Variants in ROCK2 observed in about 807,000 individuals in gnomAD.
ROCK2 encodes Rho associated coiled-coil containing protein kinase 2.
Under a neutral mutation model 195.1 loss-of-function variants are expected in ROCK2, and 61 were observed. The ratio of observed to expected loss-of-function variants is 0.31; its 90% CI spans 0.25 to 0.39. ROCK2 has a LOEUF of 0.39. ROCK2 is among the 10% of genes least tolerant of loss of function. The pLI is 1.00. For synonymous variants in ROCK2, 504 were observed against 545.5 expected (o/e 0.92, Z 1.06); for missense variants, 1,109 against 1,637.4 (o/e 0.68, Z 5.57).
chr2:11,254,756 A>AAAG (rs1273592273), intron 3 of ROCK2, among the ~76,000 whole-genome samples: 51 of 144,472 alleles, frequency 3.5e-4, no homozygotes, highest in Middle Eastern at 3.5e-3. Context: ...AAAAAAAAAA[A>AAAG]GGTAGAGAAA....
chr2:11,345,279 C>G (rs190126564), upstream of ROCK2, among the ~76,000 whole-genome samples: 2 of 152,184 alleles, frequency 1.3e-5, no homozygotes, highest in Non-Finnish European at 2.9e-5. Context: ...CTAACCACTT[C>G]AAGAGAACGG....
rs1288241625 is a variant in ROCK2 at position 11,193,768 on chromosome 2, A to G, written c.3687+11T>C. 1.3e-6 allele frequency: 2 copies of G among 1,524,372 alleles called. No individual in the cohort carries two copies. Among genetic ancestry groups the G allele is most frequent in the South Asian group, 1.2e-5 (1 of 84,156 alleles). The allele number at this position is 1,524,372 out of a possible 1,614,324, so 94.4% of individuals were successfully genotyped here. A position where few individuals can be genotyped will look rare whatever the true frequency, so the allele number is the denominator to read the frequency against. On this transcript the variant is annotated intron_variant, in intron 30 of 32. Transcript: ENST00000315872. ...AGCCAACCAACCAAATATAAACAAA[A>G]CTATGTTTACCTGGAATATCCTTGG...
chr2:11,181,177 TAA>T lies in ROCK2; in HGVS notation c.*2258_*2259del, dbSNP rs1055635985. ...ATTATTTCACCTTAATAAAGTTTAT[TAA>T]AAATATATATATATATATATATATA... On this transcript the variant is annotated 3_prime_UTR_variant, in exon 33 of 33. Transcript: ENST00000315872. 2.1e-4 allele frequency: 21 copies of T among 99,666 alleles called. No homozygotes were observed. The highest frequency in any genetic ancestry group is 3.0e-4 in the Non-Finnish European group (15 of 50,652). 6.2% of individuals were successfully genotyped at this position (99,666 alleles called of 1,614,324 possible).
intron 18 of ROCK2, among the ~76,000 whole-genome samples, chr2:11,209,158 T>C (rs950827807): frequency 4.6e-5 from 7 of 152,232 alleles, no homozygotes; most frequent in South Asian, 2.1e-4. Flanking sequence ...CATAGGACTT[T>C]CCATGTTAAC....
intron 4 of ROCK2, among the ~76,000 whole-genome samples, chr2:11,244,174 T>C (rs1665531317): frequency 6.6e-6 from 1 of 152,232 alleles, no homozygotes; most frequent in South Asian, 2.1e-4. Flanking sequence ...ATTTTTAAAA[T>C]TGTATTTATT....
At chr2:11,204,463 A>AATT (rs1263016858) in intron 20 of ROCK2, among the ~76,000 whole-genome samples, 1 of 152,086 alleles carries the variant, frequency 6.6e-6, no homozygotes, top group Non-Finnish European at 1.5e-5. Flanking sequence ...CTTCAGTCTA[A>AATT]AGACATTTCT....
At chr2:11,221,792 T>C (rs1202271823) in intron 8 of ROCK2, among the ~76,000 whole-genome samples, 2 of 152,212 alleles carry the variant, frequency 1.3e-5, no homozygotes, top group Non-Finnish European at 2.9e-5. Flanking sequence ...AATTAAAGGA[T>C]TGCATTCCCT....
chr2:11,225,045 G>GC (rs1664765911), intron 6 of ROCK2, among the ~76,000 whole-genome samples: 1 of 152,206 alleles, frequency 6.6e-6, no homozygotes, highest in Admixed American at 6.5e-5. Context: ...CAGGGCTGCT[G>GC]CAAGAGTTAA....
chr2:11,316,750 T>C (rs1327502073), intron 1 of ROCK2, among the ~76,000 whole-genome samples: 5 of 152,180 alleles, frequency 3.3e-5, no homozygotes, highest in Admixed American at 1.3e-4. Flanking sequence ...TTGACATGCT[T>C]AGGTTCCTAC....
At chr2:11,290,346 C>G (rs1490099531) in intron 1 of ROCK2, among the ~76,000 whole-genome samples, 1 of 152,124 alleles carries the variant, frequency 6.6e-6, no homozygotes, top group African/African-American at 2.4e-5. Flanking sequence ...CCCCTGTAAT[C>G]CCAGCTACTC....
intron 30 of ROCK2, among the ~76,000 whole-genome samples, chr2:11,193,374 A>G (rs1663505333): frequency 6.6e-6 from 1 of 152,204 alleles, no homozygotes; most frequent in Admixed American, 6.5e-5. Context: ...TTCACTTTAA[A>G]TCGGAGGTAA....
chr2:11,312,598 T>C (rs1296206674), intron 1 of ROCK2, among the ~76,000 whole-genome samples: 1 of 152,162 alleles, frequency 6.6e-6, no homozygotes, highest in African/African-American at 2.4e-5. Flanking sequence ...GAGATTCATC[T>C]TTTTTCCATG....
intron 5 of ROCK2, among the ~76,000 whole-genome samples, chr2:11,232,270 A>G (rs892450413): frequency 2.0e-5 from 3 of 152,040 alleles, no homozygotes; most frequent in African/African-American, 7.2e-5. Context: ...CTGGGATTAC[A>G]GGCATGCACC....
At chr2:11,193,200 G>C (rs941929814) in intron 30 of ROCK2, among the ~76,000 whole-genome samples, 1 of 152,170 alleles carries the variant, frequency 6.6e-6, no homozygotes, top group Non-Finnish European at 1.5e-5. Context: ...AAAGAGGAAA[G>C]GATGTGTATT....
chr2:11,198,569 T>C lies in ROCK2; in HGVS notation c.3021A>G (p.Lys1007=). 3 of 1,613,370 alleles carry C rather than the reference T, an allele frequency of 1.9e-6. No homozygotes were observed. Among genetic ancestry groups the C allele is most frequent in the Non-Finnish European group, 2.5e-6 (3 of 1,179,708 alleles). ...KDVQEQLSRL[K]DEEISAAAIK... ...TAGCTGCTGCGCTTATTTCTTCATC[T>C]TTCAATCTTGACAGTTCTGAAACAT... Residue 1007 remains lysine, a synonymous_variant, in exon 25 of 33, where the codon AAA becomes AAG. Coordinates refer to ENST00000315872, the MANE Select transcript of ROCK2 (RefSeq NM_004850.5).
intron 32 of ROCK2, among the ~76,000 whole-genome samples, chr2:11,187,143 T>C (rs1172028218): frequency 6.6e-6 from 1 of 152,250 alleles, no homozygotes; most frequent in Non-Finnish European, 1.5e-5. Flanking sequence ...TATGTTATAG[T>C]TTTAATTTAA....
intron 1 of ROCK2, among the ~76,000 whole-genome samples, chr2:11,317,612 A>ATATATATATATATATATATT (rs59701503): frequency 5.2e-5 from 1 of 19,312 alleles, no homozygotes; most frequent in African/African-American, 1.6e-4. Context: ...ATATATATAT[A>ATATATATATATATATATATT]TTTTTTTTTT....
chr2:11,281,534 A>G (rs2148184332), intron 3 of ROCK2, among the ~76,000 whole-genome samples: 1 of 152,360 alleles, frequency 6.6e-6, no homozygotes, highest in Non-Finnish European at 1.5e-5. Context: ...GTTAATACAC[A>G]AAAGTTCATT....
At chr2:11,225,815 G>C (rs981256177) in intron 6 of ROCK2, among the ~76,000 whole-genome samples, 1 of 152,182 alleles carries the variant, frequency 6.6e-6, no homozygotes, top group Non-Finnish European at 1.5e-5. Context: ...GGGACCATAT[G>C]ATGCGTACAA....
Sources: gnomAD v4.1 joint callset for allele counts (sites outside exome capture counted in the v4.1 genomes callset) on GRCh38, gnomAD v4.1.1 for gene constraint, MANE v1.5 for transcripts, NCBI Gene and HGNC (gene_info 2026-07-23, HGNC 2026-07-21) for gene names.